The following ERCC6L2 variants were observed in gnomAD, a reference collection of about 807,000 sequenced individuals.
The protein encoded by ERCC6L2 is ERCC excision repair 6 like 2, also known as DNA excision repair protein ERCC-6-like 2.
ERCC6L2 carries 77 observed loss-of-function variants against 132.0 expected under a neutral mutation model. The observed-to-expected ratio is 0.58, with a 90% confidence interval of 0.49 to 0.71. The LOEUF (loss-of-function observed/expected upper bound fraction) is 0.71, where lower values mean the gene tolerates loss of function less well. ERCC6L2 is among the 30% of genes least tolerant of loss of function. The probability of loss-of-function intolerance (pLI) is 0.00; values close to 1 mark genes in which losing one functional copy is unlikely to be tolerated. For synonymous variants in ERCC6L2, 583 were observed against 632.4 expected (o/e 0.92, Z 1.17); for missense variants, 1,542 against 1,837.6 (o/e 0.84, Z 2.94).
chr9:96,001,776 C>T (rs188435405), intron 17 of ERCC6L2, among the ~76,000 whole-genome samples: 13,289 of 152,280 alleles, frequency 0.087, 656 homozygotes, highest in Admixed American at 0.13. Flanking sequence ...GGGGGTGGCG[C>T]TCGTCGGGGA....
At chr9:95,991,098 C>A (rs1346648497) in intron 17 of ERCC6L2, among the ~76,000 whole-genome samples, 1 of 151,856 alleles carries the variant, frequency 6.6e-6, no homozygotes, top group Non-Finnish European at 1.5e-5. Flanking sequence ...GCTTGTGTTG[C>A]TCTGCCAGCT....
At chr9:95,876,188 C>T (rs1180139887) in intron 1 of ERCC6L2, 104 bp downstream of exon 1, 3 of 1,057,346 alleles carry the variant, frequency 2.8e-6, no homozygotes, top group African/African-American at 3.2e-5. Flanking sequence ...CCTGTAGATC[C>T]TCTTCAGTGA....
chr9:95,928,769 A>G lies in ERCC6L2; in HGVS notation c.1656A>G (p.Arg552=). Residue 552 remains arginine (R), a synonymous_variant, in exon 11 of 19, where the codon CGA becomes CGG. Coordinates refer to ENST00000653738, the MANE Select transcript of ERCC6L2 (RefSeq NM_020207.7). ...QYCMASGLDY[R]RLDGSTKSEE... ...GTATGGCGTCTGGGCTTGATTACCG[A>G]CGACTTGATGGAAGTACAAAATCAG... 6.2e-7 allele frequency: 1 copy of G among 1,613,476 alleles called. No individual in the cohort carries two copies. The highest frequency in any genetic ancestry group is 1.3e-5 in the African/African-American group (1 of 74,980).
At chr9:96,021,930 G>T (rs1052529496), downstream of ERCC6L2, among the ~76,000 whole-genome samples, 8 of 152,088 alleles carry the variant, frequency 5.3e-5, no homozygotes, top group Non-Finnish European at 1.0e-4. This position sits in a 1 kb window ranked among gnomAD's most constrained non-coding sequence, Gnocchi z 4.7. Context: ...ATGGAATCAG[G>T]GCCCCGGCGC....
chr9:95,979,898 A>T (rs901680493), intron 17 of ERCC6L2, among the ~76,000 whole-genome samples: 1 of 152,110 alleles, frequency 6.6e-6, no homozygotes, highest in Admixed American at 6.6e-5. Flanking sequence ...TTTTTTTTAA[A>T]CTGTGCCCTT....
At chr9:95,876,589 A>C (rs1827283009) in intron 1 of ERCC6L2, 1 of 152,624 alleles carries the variant, frequency 6.6e-6, no homozygotes, top group African/African-American at 2.4e-5. Flanking sequence ...ATTCTGCCTT[A>C]AATAGGAGGT....
At chr9:95,930,032 A>C (rs1393815032) in intron 11 of ERCC6L2, among the ~76,000 whole-genome samples, 1 of 152,150 alleles carries the variant, frequency 6.6e-6, no homozygotes, top group Admixed American at 6.5e-5. Flanking sequence ...CATACTTCGA[A>C]AAACATCTTT....
chr9:95,957,950 A>G (rs1323725094), intron 13 of ERCC6L2, among the ~76,000 whole-genome samples: 1 of 151,646 alleles, frequency 6.6e-6, no homozygotes, highest in Admixed American at 6.6e-5. Flanking sequence ...ATATGTATAC[A>G]TGTGCCATGT....
At chr9:95,923,506 A>G (rs933512372) in intron 9 of ERCC6L2, 127 bp downstream of exon 9, 1 of 1,085,250 alleles carries the variant, frequency 9.2e-7, no homozygotes, top group Non-Finnish European at 1.3e-6. Flanking sequence ...GCTATGGACA[A>G]GTGGTGCAAT....
At chr9:95,912,894 T>C (rs1829408013) in intron 4 of ERCC6L2, among the ~76,000 whole-genome samples, 2 of 152,236 alleles carry the variant, frequency 1.3e-5, no homozygotes, top group Non-Finnish European at 2.9e-5. Flanking sequence ...CCCAAAGGCT[T>C]AAATAGATTC....
At position 95,970,599 on chromosome 9, in the gene ERCC6L2, G is replaced by C; in HGVS notation, c.2124G>C (p.Gly708=). The change falls in exon 15 of 19, where the codon GGG becomes GGC. Residue 708 remains glycine, a synonymous_variant. Coordinates refer to ENST00000653738, the MANE Select transcript of ERCC6L2 (RefSeq NM_020207.7). ...ILEREGQVEA[G]IMTATTWLKE... Reference sequence around the variant, plus strand: ...AGAGAGAAGGCCAAGTAGAAGCAGGGATCATGACAGCCACAACATGGTTGA... The same window carrying C: ...AGAGAGAAGGCCAAGTAGAAGCAGGCATCATGACAGCCACAACATGGTTGA... 7.7e-7 allele frequency: 1 copy of C among 1,303,582 alleles called. No homozygotes were observed. Among genetic ancestry groups the C allele is most frequent in the Non-Finnish European group, 1.0e-6 (1 of 988,582 alleles). The allele number at this position is 1,303,582 out of a possible 1,614,324, so 80.8% of individuals were successfully genotyped here.
intron 13 of ERCC6L2, among the ~76,000 whole-genome samples, chr9:95,965,779 G>A (rs1832126772): frequency 6.6e-6 from 1 of 152,102 alleles, no homozygotes; most frequent in African/African-American, 2.4e-5. Context: ...CCAAAGTGCT[G>A]GGATTACAGG....
At chr9:96,009,295 A>G (rs574921228) in intron 18 of ERCC6L2, among the ~76,000 whole-genome samples, 1 of 152,370 alleles carries the variant, frequency 6.6e-6, no homozygotes, top group Non-Finnish European at 1.5e-5. Context: ...TTGGTTACCA[A>G]TTAGGGATGT....
intron 13 of ERCC6L2, among the ~76,000 whole-genome samples, chr9:95,961,475 A>G (rs1831897918): frequency 6.6e-6 from 1 of 152,206 alleles, no homozygotes; most frequent in Non-Finnish European, 1.5e-5. Context: ...TTAGCTGCAC[A>G]ACTATGAGAA....
chr9:95,928,687 C>T (rs575611224), intron 10 of ERCC6L2, 32 bp from the exon 11 acceptor site: 1 of 1,565,988 alleles, frequency 6.4e-7, no homozygotes, highest in Non-Finnish European at 8.6e-7. Context: ...AACCAAGATT[C>T]ATGTTTGCCC....
intron 17 of ERCC6L2, among the ~76,000 whole-genome samples, chr9:95,998,250 G>A (rs1258457124): frequency 6.6e-6 from 1 of 152,022 alleles, no homozygotes; most frequent in Non-Finnish European, 1.5e-5. Context: ...CAGAACCTTT[G>A]GAGGGTCGGT....
chr9:95,961,275 A>G (rs1406572190), intron 13 of ERCC6L2, among the ~76,000 whole-genome samples: 1 of 152,078 alleles, frequency 6.6e-6, no homozygotes, highest in Non-Finnish European at 1.5e-5. Flanking sequence ...GAAGGGGGAA[A>G]TTTGGATACA....
intron 7 of ERCC6L2, among the ~76,000 whole-genome samples, chr9:95,921,941 C>A (rs1012447942): frequency 2.6e-5 from 4 of 152,044 alleles, no homozygotes; most frequent in African/African-American, 9.7e-5. Context: ...AGCCCAGTTT[C>A]CTAGGAGCCT....
At chr9:95,892,635 C>G (rs1828233035) in intron 2 of ERCC6L2, among the ~76,000 whole-genome samples, 1 of 151,998 alleles carries the variant, frequency 6.6e-6, no homozygotes, top group Non-Finnish European at 1.5e-5. Flanking sequence ...GTTGGCCAGG[C>G]TGGTCTCGGA....
Sources: allele counts gnomAD v4.1 joint callset (sites outside exome capture counted in the v4.1 genomes callset), GRCh38; gene constraint gnomAD v4.1.1; non-coding constraint Gnocchi (gnomAD v3.1); transcripts MANE v1.5; gene names NCBI Gene and HGNC (gene_info 2026-07-23, HGNC 2026-07-21).